Variants in GLP2R observed in about 807,000 individuals in gnomAD.
GLP2R encodes glucagon-like peptide 2 receptor.
Under a neutral mutation model 68.2 loss-of-function variants are expected in GLP2R, and 59 were observed. The observed-to-expected ratio is 0.87, with a 90% confidence interval of 0.70 to 1.07. GLP2R has a LOEUF of 1.07. Ranked by LOEUF, GLP2R falls within the 50% of genes least tolerant of loss-of-function variation. The pLI, the probability that GLP2R is intolerant of heterozygous loss-of-function variation, is 0.00. For missense variants in GLP2R, 548 were observed against 677.4 expected (o/e 0.81, Z 2.12); for synonymous variants, 270 against 265.4 (o/e 1.02, Z -0.17).
At chr17:9,857,357 G>A in intron 5 of GLP2R, 66 bp from the exon 6 acceptor site, 1 of 1,447,846 alleles carries the variant, frequency 6.9e-7, no homozygotes, top group Non-Finnish European at 9.7e-7. Context: ...AGGCATAAAA[G>A]GCAGAGGCCT....
In GLP2R at chr17:9,890,343, C is replaced by T; in HGVS notation, c.*638C>T. 1 of 302,532 alleles carries T rather than the reference C, an allele frequency of 3.3e-6. No individual in the cohort carries two copies. The highest frequency in any genetic ancestry group is 3.0e-5 in the South Asian group (1 of 33,558). The allele number at this position is 302,532 out of a possible 1,614,324, so 18.7% of individuals were successfully genotyped here. A position where few individuals can be genotyped will look rare whatever the true frequency, so the allele number is the denominator to read the frequency against. On this transcript the variant is annotated 3_prime_UTR_variant, in exon 13 of 13. Coordinates refer to ENST00000262441, the MANE Select transcript of GLP2R (RefSeq NM_004246.3). ...TCCCAGGTCAGCTGGGGTGTGCCTG[C>T]CCTCCTTGGAGAGTATGTAACTCCA...
chr17:9,839,943 C>T (rs1451669497), intron 3 of GLP2R, among the ~76,000 whole-genome samples: 1 of 151,934 alleles, frequency 6.6e-6, no homozygotes, highest in African/African-American at 2.4e-5. Context: ...AGACCTCTCC[C>T]CTCAACTACA....
At chr17:9,860,144 A>C in intron 7 of GLP2R, 43 bp downstream of exon 7, 2 of 1,515,462 alleles carry the variant, frequency 1.3e-6, no homozygotes, top group Non-Finnish European at 1.8e-6. Flanking sequence ...GGGATCCATC[A>C]AAATATGGGA....
chr17:9,827,290 C>G (rs2066641140), intron 1 of GLP2R, among the ~76,000 whole-genome samples: 1 of 152,190 alleles, frequency 6.6e-6, no homozygotes, highest in South Asian at 2.1e-4. Flanking sequence ...AGCACTTGCT[C>G]TGCACTGGGT....
chr17:9,875,775 A>G (rs187209905), intron 10 of GLP2R, among the ~76,000 whole-genome samples: 1 of 152,354 alleles, frequency 6.6e-6, no homozygotes, highest in East Asian at 1.9e-4. Context: ...TGTGGTTCCC[A>G]GCTCAGAGGC....
In GLP2R at chr17:9,889,540, T is replaced by TG; in HGVS notation, c.1500dup (p.Arg501AlafsTer35). The TG allele has an allele frequency of 6.2e-7, 1 of 1,614,124 alleles. No individual in the cohort carries two copies. The highest frequency in any genetic ancestry group is 8.5e-7 in the Non-Finnish European group (1 of 1,179,992). ...GGAAGCTGCAGCCCTCACTTAACAG[T>TG]GGGCGGCTCCTACATCTAGCCATGC... On this transcript the variant is annotated frameshift_variant, in exon 13 of 13. Transcript: ENST00000262441. LOFTEE classifies it low-confidence loss of function (END_TRUNC).
At chr17:9,838,443 C>T (rs576384730) in intron 3 of GLP2R, among the ~76,000 whole-genome samples, 71 of 152,212 alleles carry the variant, frequency 4.7e-4, no homozygotes, top group Non-Finnish European at 8.8e-4. Flanking sequence ...TCTAGAGGCC[C>T]CAAACACCTG....
chr17:9,830,078 G>A (rs117344187), intron 1 of GLP2R, among the ~76,000 whole-genome samples: 3 of 152,336 alleles, frequency 2.0e-5, no homozygotes, highest in Admixed American at 6.5e-5. Context: ...GAACTTGGAT[G>A]TACCCCTTGT....
rs753026505 is a variant in GLP2R, at chr17:9,889,591, G to A, written c.1548G>A (p.Gln516=). Reference sequence around the variant, plus strand: ...GAGGTCTTGGGGAGCTGGGCGCCCAGCCCCAACAGGACCATGCACGCTGGC... The same window carrying A: ...GAGGTCTTGGGGAGCTGGGCGCCCAACCCCAACAGGACCATGCACGCTGGC... ...AMRGLGELGA[Q]PQQDHARWPR... The change falls in exon 13 of 13, where the codon CAG becomes CAA. Residue 516 remains glutamine, a synonymous_variant. Transcript: ENST00000262441. 1 of 1,614,136 alleles carries A rather than the reference G, an allele frequency of 6.2e-7. No homozygotes were observed. Among genetic ancestry groups the A allele is most frequent in the South Asian group, 1.1e-5 (1 of 91,086 alleles).
chr17:9,867,436 G>T (rs1004780380), intron 9 of GLP2R, among the ~76,000 whole-genome samples: 3 of 152,214 alleles, frequency 2.0e-5, no homozygotes, highest in Non-Finnish European at 2.9e-5. Context: ...CCATAATGTG[G>T]CAACCTGAAG....
At chr17:9,841,157 C>A (rs1307877049) in intron 3 of GLP2R, among the ~76,000 whole-genome samples, 1 of 151,398 alleles carries the variant, frequency 6.6e-6, no homozygotes, top group Non-Finnish European at 1.5e-5. Context: ...GCTGGGACTA[C>A]AGGAGCTCGC....
At chr17:9,878,907 G>T (rs1417122782) in intron 10 of GLP2R, among the ~76,000 whole-genome samples, 1 of 151,864 alleles carries the variant, frequency 6.6e-6, no homozygotes, top group African/African-American at 2.4e-5. Context: ...CTCCTAGTCT[G>T]GCCCCTTTAG....
chr17:9,859,636 A>AT (rs1555571773), intron 6 of GLP2R, among the ~76,000 whole-genome samples: 8,425 of 143,060 alleles, frequency 0.059, 626 homozygotes, highest in African/African-American at 0.17. Context: ...ACTAAAAAAA[A>AT]ATATATATAT....
In GLP2R at chr17:9,842,627, T is replaced by A; in HGVS notation, c.504+11T>A. On this transcript the variant is annotated intron_variant, in intron 4 of 12. Coordinates refer to ENST00000262441, the MANE Select transcript of GLP2R (RefSeq NM_004246.3). ...AGCTTCAAGCAAAACGTGAGTTTGCTCAGCTCAGTGAGGAGGCATCCAGGG... is the reference window on the plus strand; with the variant it reads ...AGCTTCAAGCAAAACGTGAGTTTGCACAGCTCAGTGAGGAGGCATCCAGGG... 1 of 1,612,994 alleles carries A rather than the reference T, an allele frequency of 6.2e-7. No individual in the cohort carries two copies.
intron 11 of GLP2R, among the ~76,000 whole-genome samples, chr17:9,883,672 G>A (rs2067216700): frequency 6.6e-6 from 1 of 152,176 alleles, no homozygotes; most frequent in Non-Finnish European, 1.5e-5. Context: ...CTACTCATCA[G>A]AACAATGGAG....
At chr17:9,888,969 T>C (rs969552792) in intron 12 of GLP2R, among the ~76,000 whole-genome samples, 5 of 152,340 alleles carry the variant, frequency 3.3e-5, no homozygotes, top group Middle Eastern at 3.4e-3. Flanking sequence ...CCTCCCATTA[T>C]GTACTTCCAC....
chr17:9,838,672 G>A (rs1014913127), intron 3 of GLP2R, among the ~76,000 whole-genome samples: 12 of 152,232 alleles, frequency 7.9e-5, no homozygotes, highest in Non-Finnish European at 1.2e-4. Flanking sequence ...AATGTGAAGG[G>A]AGTGTGATTT....
At chr17:9,854,885 AAG>A (rs2066921766) in intron 5 of GLP2R, among the ~76,000 whole-genome samples, 1 of 152,200 alleles carries the variant, frequency 6.6e-6, no homozygotes, top group Non-Finnish European at 1.5e-5. Context: ...ATACTATAAT[AAG>A]AGTTATGTGA....
chr17:9,882,688 T>C (rs544548094), intron 11 of GLP2R, among the ~76,000 whole-genome samples: 11 of 152,328 alleles, frequency 7.2e-5, no homozygotes, highest in South Asian at 2.1e-4. Context: ...TGAAAACAAC[T>C]TCTGATCAAT....
Sources: gnomAD v4.1 joint callset for allele counts (sites outside exome capture counted in the v4.1 genomes callset) on GRCh38, gnomAD v4.1.1 for gene constraint, MANE v1.5 for transcripts, NCBI Gene and HGNC (gene_info 2026-07-23, HGNC 2026-07-21) for gene names.